NFKB1: variants seen among roughly 807,000 people sequenced by gnomAD.
NFKB1 encodes the protein nuclear factor kappa B subunit 1.
In NFKB1, 9 loss-of-function variants were observed where a neutral mutation model predicts 105.1. That is an observed-to-expected ratio of 0.09 (90% CI 0.05 to 0.15). The LOEUF is 0.15. NFKB1 is among the 10% of genes least tolerant of loss of function. The probability of loss-of-function intolerance (pLI) is 1.00; values close to 1 mark genes in which losing one functional copy is unlikely to be tolerated. For missense variants in NFKB1, 830 were observed against 1,203.7 expected, an observed-to-expected ratio of 0.69 and a Z score of 4.59; for synonymous variants, 440 against 442.2, an observed-to-expected ratio of 1.00 and a Z score of 0.06.
intron 5 of NFKB1, among the ~76,000 whole-genome samples, chr4:102,565,276 G>T (rs1169573577): frequency 2.6e-5 from 4 of 152,106 alleles, no homozygotes; most frequent in Admixed American, 6.5e-5. Context: ...GAGGTTAGAA[G>T]GTTTAGAAGC....
chr4:102,571,666 G>A (rs577906181), intron 6 of NFKB1, among the ~76,000 whole-genome samples: 10 of 152,210 alleles, frequency 6.6e-5, no homozygotes, highest in Admixed American at 2.0e-4. Flanking sequence ...ATCAAAAAGT[G>A]GGCAAAGGAT....
intron 19 of NFKB1, among the ~76,000 whole-genome samples, chr4:102,609,131 C>T (rs1196172458): frequency 2.2e-5 from 3 of 138,362 alleles, no homozygotes; most frequent in Non-Finnish European, 4.6e-5. Context: ...CCAGCCTGAG[C>T]TATAGAATAA....
At chr4:102,516,047 T>C (rs1740157505) in intron 1 of NFKB1, among the ~76,000 whole-genome samples, 1 of 152,180 alleles carries the variant, frequency 6.6e-6, no homozygotes. Context: ...TTTATCACTG[T>C]AAAGGTGCCT....
intron 6 of NFKB1, among the ~76,000 whole-genome samples, chr4:102,570,677 T>A (rs916213974): frequency 6.6e-6 from 1 of 152,164 alleles, no homozygotes; most frequent in Non-Finnish European, 1.5e-5. Context: ...CAAGCATTCC[T>A]ATACACCAAT....
At chr4:102,593,028 T>G (rs1726297951) in intron 11 of NFKB1, among the ~76,000 whole-genome samples, 1 of 152,226 alleles carries the variant, frequency 6.6e-6, no homozygotes, top group African/African-American at 2.4e-5. Context: ...AGCATTTAGC[T>G]CATTGTAGAT....
intron 9 of NFKB1, among the ~76,000 whole-genome samples, chr4:102,580,983 AACAC>A (rs1725275302): frequency 6.6e-6 from 1 of 152,312 alleles, no homozygotes; most frequent in African/African-American, 2.4e-5. Context: ...CACACATACA[AACAC>A]ACACACAGAA....
intron 15 of NFKB1, among the ~76,000 whole-genome samples, chr4:102,598,907 G>C (rs1490150070): frequency 6.6e-6 from 1 of 152,176 alleles, no homozygotes; most frequent in African/African-American, 2.4e-5. Flanking sequence ...GGCTCTCAGA[G>C]AGGCCACAGA....
intron 20 of NFKB1, 60 bp from the exon 21 acceptor site, chr4:102,611,984 C>A: frequency 7.3e-7 from 1 of 1,375,220 alleles, no homozygotes; most frequent in Non-Finnish European, 1.0e-6. Context: ...TATAAAGAAA[C>A]AGACTGCCCT....
chr4:102,558,272 A>G (rs1248691394), intron 5 of NFKB1, among the ~76,000 whole-genome samples: 1 of 152,056 alleles, frequency 6.6e-6, no homozygotes, highest in East Asian at 1.9e-4. Flanking sequence ...GCTCCCACTT[A>G]TAAGTGAGAA....
At chr4:102,533,361 A>C (rs908359448) in intron 3 of NFKB1, among the ~76,000 whole-genome samples, 3 of 152,202 alleles carry the variant, frequency 2.0e-5, no homozygotes, top group African/African-American at 7.2e-5. Context: ...AGACGTATAC[A>C]TACAGGTTGC....
intron 6 of NFKB1, among the ~76,000 whole-genome samples, chr4:102,570,119 T>C (rs1003494486): frequency 2.0e-5 from 3 of 152,202 alleles, no homozygotes; most frequent in Admixed American, 6.5e-5. Context: ...CTCTGCTTTC[T>C]GGCAGTTTAG....
In NFKB1 at chr4:102,579,122, G is replaced by A. The variant is rs143561832; in HGVS notation, c.730+83G>A. ...GCCATTTACTTGCTAGCTGAGTCCT[G>A]GGGAAGGTAACTTAATCACTTTAAG... is the stretch of plus-strand genomic sequence containing the variant. On this transcript the variant is annotated intron_variant, in intron 8 of 23. Coordinates refer to ENST00000226574, the MANE Select transcript of NFKB1 (RefSeq NM_003998.4). The A allele has an allele frequency of 7.3e-4, 1,028 of 1,410,492 alleles. 8 individuals carry two copies. In the African/African-American group the frequency reaches 0.013, roughly 18 times the overall value. The allele number at this position is 1,410,492 out of a possible 1,614,324, so 87.4% of individuals were successfully genotyped here.
rs1337668367 is a variant in NFKB1 at position 102,613,427 on chromosome 4, C to A, written c.2595C>A (p.Val865=). The A allele has an allele frequency of 1.2e-6, 2 of 1,613,636 alleles. No homozygotes were observed. Among genetic ancestry groups the A allele is most frequent in the Non-Finnish European group, 1.7e-6 (2 of 1,179,896 alleles). The change falls in exon 23 of 24, where the codon GTC becomes GTA. Residue 865 remains valine (V), a splice_region_variant and synonymous_variant. Coordinates refer to ENST00000226574, the MANE Select transcript of NFKB1 (RefSeq NM_003998.4). ...PSKTLMDNYE[V]SGGTVRELVE... The stretch of plus-strand genomic sequence containing the variant: ...CCTCCTTCCTTTCTTTCTCACAGGT[C>A]TCTGGGGGTACAGTCAGAGAGCTGG...
At position 102,506,376 on chromosome 4, in the gene NFKB1, A is replaced by G. The variant is rs372111291; in HGVS notation, c.-8+4588A>G. Reference sequence around the variant, plus strand: ...ACAAAATATGTTATTTTGTTATGTTACCTCTAGAATTAAACACCTATCACC... The same window carrying G: ...ACAAAATATGTTATTTTGTTATGTTGCCTCTAGAATTAAACACCTATCACC... On this transcript the variant is annotated intron_variant, in intron 1 of 23. Transcript: ENST00000226574. Among the ~76,000 whole-genome samples the G allele has an allele frequency of 1.2e-4, 19 of 152,304 alleles. No homozygotes were observed. In the East Asian group the frequency reaches 3.1e-3, roughly 25 times the overall value.
chr4:102,529,696 C>G (rs1033632379), intron 2 of NFKB1, 140 bp from the exon 3 acceptor site: 10 of 651,680 alleles, frequency 1.5e-5, no homozygotes, highest in Non-Finnish European at 2.7e-5. Flanking sequence ...CTTTTAAAAC[C>G]CTGATTTAAA....
intron 11 of NFKB1, among the ~76,000 whole-genome samples, chr4:102,586,817 C>T (rs899840163): frequency 6.6e-6 from 1 of 152,136 alleles, no homozygotes; most frequent in Non-Finnish European, 1.5e-5. Context: ...GGTTGGAAAC[C>T]GCAAAGGTGC....
At chr4:102,552,958 A>G (rs569537880) in intron 5 of NFKB1, among the ~76,000 whole-genome samples, 10 of 152,302 alleles carry the variant, frequency 6.6e-5, no homozygotes, top group African/African-American at 2.2e-4. Context: ...ATTAATGTCT[A>G]GAGTGTAAAA....
chr4:102,510,190 TA>T (rs1266306174), intron 1 of NFKB1, among the ~76,000 whole-genome samples: 1 of 152,182 alleles, frequency 6.6e-6, no homozygotes, highest in East Asian at 1.9e-4. Context: ...CCCCTTTCCA[TA>T]AAGAGTTATG....
intron 5 of NFKB1, among the ~76,000 whole-genome samples, chr4:102,558,237 T>C (rs998186648): frequency 6.6e-6 from 1 of 152,020 alleles, no homozygotes; most frequent in Non-Finnish European, 1.5e-5. Context: ...TTTCCCTCTA[T>C]GTGGCAATGT....
Sources: gnomAD v4.1 joint callset for allele counts (sites outside exome capture counted in the v4.1 genomes callset) on GRCh38, gnomAD v4.1.1 for gene constraint, MANE v1.5 for transcripts, NCBI Gene and HGNC (gene_info 2026-07-23, HGNC 2026-07-21) for gene names.